The following NSMCE2 variants were observed in gnomAD, a reference collection of about 807,000 sequenced individuals.
The protein encoded by NSMCE2 is E3 SUMO-protein ligase NSE2.
In NSMCE2, 24 loss-of-function variants were observed where a neutral mutation model predicts 23.8. The ratio of observed to expected loss-of-function variants is 1.01; its 90% CI spans 0.73 to 1.42. The LOEUF (loss-of-function observed/expected upper bound fraction) is 1.42. Among genes scored for constraint, NSMCE2 ranks in the 40% most tolerant of loss-of-function variants. NSMCE2 has a pLI of 0.00. For missense variants in NSMCE2, 284 were observed against 296.5 expected, an observed-to-expected ratio of 0.96 and a Z score of 0.31; for synonymous variants, 92 against 94.1, an observed-to-expected ratio of 0.98 and a Z score of 0.13.
intron 5 of NSMCE2, among the ~76,000 whole-genome samples, chr8:125,330,105 C>T (rs527675868): frequency 2.0e-5 from 3 of 151,566 alleles, no homozygotes; most frequent in Non-Finnish European, 2.9e-5. Context: ...ATTCGGGGCA[C>T]GTCGCTTTCA....
chr8:125,360,302 G>A (rs1038855028), intron 7 of NSMCE2, among the ~76,000 whole-genome samples: 5 of 152,158 alleles, frequency 3.3e-5, no homozygotes, highest in African/African-American at 7.2e-5. Flanking sequence ...AACTATCGAT[G>A]TGGATTGGGA....
chr8:125,241,631 A>T (rs998585683), intron 5 of NSMCE2, among the ~76,000 whole-genome samples: 7 of 152,254 alleles, frequency 4.6e-5, no homozygotes, highest in African/African-American at 1.7e-4. Flanking sequence ...ACTGAAAAAG[A>T]TAACTGTAGG....
At chr8:125,113,289 A>T (rs181519881) in intron 3 of NSMCE2, among the ~76,000 whole-genome samples, 72 of 152,210 alleles carry the variant, frequency 4.7e-4, no homozygotes, top group Non-Finnish European at 6.5e-4. Flanking sequence ...AGAGTTTGAG[A>T]CCACTCTGCA....
intron 5 of NSMCE2, among the ~76,000 whole-genome samples, chr8:125,238,898 A>T (rs1436321398): frequency 2.0e-5 from 3 of 152,232 alleles, no homozygotes; most frequent in Non-Finnish European, 4.4e-5. Flanking sequence ...TATCAAATTC[A>T]TGAGGCTCCT....
At chr8:125,325,883 C>T (rs1393892576) in intron 5 of NSMCE2, among the ~76,000 whole-genome samples, 7 of 152,142 alleles carry the variant, frequency 4.6e-5, no homozygotes, top group Non-Finnish European at 8.8e-5. Flanking sequence ...ACCTGGGAGG[C>T]GGAGGTTGCA....
At chr8:125,250,668 A>T (rs1057284577) in intron 5 of NSMCE2, among the ~76,000 whole-genome samples, 30 of 152,034 alleles carry the variant, frequency 2.0e-4, no homozygotes, top group Non-Finnish European at 2.4e-4. Context: ...TTGTTTTTTA[A>T]GAGATGGAAT....
chr8:125,334,784 T>C (rs1201577785), intron 5 of NSMCE2, among the ~76,000 whole-genome samples: 12 of 131,270 alleles, frequency 9.1e-5, no homozygotes, highest in Non-Finnish European at 1.3e-4. Flanking sequence ...TTTTTTTTTT[T>C]TTTTTTTTTT....
intron 4 of NSMCE2, among the ~76,000 whole-genome samples, chr8:125,178,578 G>C (rs915708443): frequency 2.6e-5 from 4 of 152,162 alleles, no homozygotes; most frequent in Admixed American, 6.5e-5. Context: ...ATTTAAAGAA[G>C]TCATTAGGTT....
At chr8:125,112,878 A>G (rs1818833243) in intron 3 of NSMCE2, among the ~76,000 whole-genome samples, 1 of 152,170 alleles carries the variant, frequency 6.6e-6, no homozygotes, top group African/African-American at 2.4e-5. Flanking sequence ...TTGCTAAGAG[A>G]GTAGATTTTA....
At chr8:125,115,606 CCAGGCATGGTGG>C in intron 3 of NSMCE2, among the ~76,000 whole-genome samples, 1 of 152,244 alleles carries the variant, frequency 6.6e-6, no homozygotes, top group Admixed American at 6.5e-5. Flanking sequence ...CAAAAATTAG[CCAGGCATGGTGG>C]CAGATGTGTG....
At chr8:125,351,861 A>G (rs1563800925) in intron 5 of NSMCE2, among the ~76,000 whole-genome samples, 2 of 152,066 alleles carry the variant, frequency 1.3e-5, no homozygotes, top group Admixed American at 1.3e-4. Flanking sequence ...AAAATACACA[A>G]AATTAACCAG....
intron 4 of NSMCE2, among the ~76,000 whole-genome samples, chr8:125,163,709 AAG>A (rs1821737458): frequency 2.6e-5 from 4 of 152,206 alleles, no homozygotes; most frequent in Admixed American, 2.6e-4. Flanking sequence ...TGAAGAGTGA[AAG>A]AAACTTCCTG....
intron 5 of NSMCE2, among the ~76,000 whole-genome samples, chr8:125,266,092 CTT>C (rs71295827): frequency 8.3e-5 from 11 of 132,380 alleles, no homozygotes; most frequent in South Asian, 2.4e-4. Context: ...CAAATTTTTT[CTT>C]TTTTTTTTTT....
At chr8:125,202,401 TG>T (rs1823924832) in intron 5 of NSMCE2, among the ~76,000 whole-genome samples, 1 of 152,230 alleles carries the variant, frequency 6.6e-6, no homozygotes, top group African/African-American at 2.4e-5. Context: ...CACCTATATA[TG>T]TTGATAACAG....
At chr8:125,131,975 G>A (rs1819796998) in intron 3 of NSMCE2, among the ~76,000 whole-genome samples, 1 of 152,208 alleles carries the variant, frequency 6.6e-6, no homozygotes, top group African/African-American at 2.4e-5. Context: ...CATTGTAAAA[G>A]CTTTGCTTTG....
chr8:125,227,867 T>C (rs1825168581), intron 5 of NSMCE2, among the ~76,000 whole-genome samples: 1 of 152,188 alleles, frequency 6.6e-6, no homozygotes, highest in Non-Finnish European at 1.5e-5. Context: ...ATCAGTTTAG[T>C]GTCATTTTTT....
intron 5 of NSMCE2, among the ~76,000 whole-genome samples, chr8:125,210,245 T>C (rs1365114219): frequency 2.0e-5 from 3 of 152,230 alleles, no homozygotes; most frequent in Non-Finnish European, 4.4e-5. Flanking sequence ...AACAGTGTCT[T>C]GGCACACAGT....
chr8:125,321,615 A>G (rs1829462861), intron 5 of NSMCE2, among the ~76,000 whole-genome samples: 1 of 152,258 alleles, frequency 6.6e-6, no homozygotes, highest in Non-Finnish European at 1.5e-5. Flanking sequence ...AATATCCCTC[A>G]TAAACATAGA....
intron 5 of NSMCE2, among the ~76,000 whole-genome samples, chr8:125,308,179 C>T (rs1333383627): frequency 2.6e-5 from 4 of 152,130 alleles, no homozygotes; most frequent in Non-Finnish European, 4.4e-5. Flanking sequence ...ATGTTCTCTA[C>T]AGTATAATCC....
Sources: gnomAD v4.1 joint callset for allele counts (sites outside exome capture counted in the v4.1 genomes callset) on GRCh38, gnomAD v4.1.1 for gene constraint, MANE v1.5 for transcripts, NCBI Gene and HGNC (gene_info 2026-07-23, HGNC 2026-07-21) for gene names.